Variants in NKAIN2 observed in about 807,000 individuals in gnomAD.
NKAIN2 encodes sodium/potassium-transporting ATPase subunit beta-1-interacting protein 2.
NKAIN2 carries 14 observed loss-of-function variants against 32.6 expected under a neutral mutation model. The ratio of observed to expected loss-of-function variants is 0.43; its 90% confidence interval spans 0.28 to 0.67. The LOEUF (loss-of-function observed/expected upper bound fraction) is 0.67. NKAIN2 is among the 30% of genes least tolerant of loss of function. The probability of loss-of-function intolerance (pLI) is 0.17; values close to 1 mark genes in which losing one functional copy is unlikely to be tolerated. For missense variants in NKAIN2, 198 were observed against 258.3 expected (o/e 0.77, Z 1.60); for synonymous variants, 80 against 87.2 (o/e 0.92, Z 0.46).
At chr6:124,139,079 ATTTT>A (rs900247440) in intron 1 of NKAIN2, among the ~76,000 whole-genome samples, 4 of 99,470 alleles carry the variant, frequency 4.0e-5, no homozygotes, top group East Asian at 3.3e-4. Flanking sequence ...TTAAATAAAA[ATTTT>A]TTTTTTTTTT....
chr6:124,044,756 T>G (rs1052326852), intron 1 of NKAIN2, among the ~76,000 whole-genome samples: 1 of 152,106 alleles, frequency 6.6e-6, no homozygotes, highest in Non-Finnish European at 1.5e-5. Flanking sequence ...GGCAGACTAC[T>G]AACCTTTCTT....
chr6:124,545,722 CTACTT>C (rs1460477520), intron 3 of NKAIN2, among the ~76,000 whole-genome samples: 2 of 151,772 alleles, frequency 1.3e-5, no homozygotes, highest in Non-Finnish European at 1.5e-5. Flanking sequence ...GAAATGCTAA[CTACTT>C]TACTTGATGA....
chr6:124,779,807 T>C (rs935160091), intron 4 of NKAIN2, among the ~76,000 whole-genome samples: 1 of 151,672 alleles, frequency 6.6e-6, no homozygotes, highest in Non-Finnish European at 1.5e-5. Context: ...CAGTCAACCA[T>C]AGACTCATGA....
chr6:124,084,671 G>A (rs910603833), intron 1 of NKAIN2, among the ~76,000 whole-genome samples: 1 of 151,904 alleles, frequency 6.6e-6, no homozygotes, highest in Non-Finnish European at 1.5e-5. Flanking sequence ...GGGAAAACAC[G>A]CTCCATCTAC....
intron 1 of NKAIN2, among the ~76,000 whole-genome samples, chr6:124,046,941 G>A (rs1380821174): frequency 6.6e-6 from 1 of 151,982 alleles, no homozygotes; most frequent in African/African-American, 2.4e-5. Context: ...ATTTGACTGA[G>A]GACTTGAGTT....
At chr6:124,690,918 A>G (rs1774226500) in intron 4 of NKAIN2, among the ~76,000 whole-genome samples, 1 of 152,158 alleles carries the variant, frequency 6.6e-6, no homozygotes, top group Non-Finnish European at 1.5e-5. Flanking sequence ...TTAGAATTAA[A>G]TATTTAGGAT....
Position 124,748,527 on chromosome 6 carries a change from C to T in NKAIN2, c.475-42812C>T, listed in dbSNP as rs192819679. 5.1e-4 allele frequency among the ~76,000 whole-genome samples: 77 copies of T among 152,064 alleles called. 1 individual carries two copies. Among genetic ancestry groups the T allele is most frequent in the African/African-American group, 1.6e-3 (68 of 41,546 alleles). On this transcript the variant is annotated intron_variant, in intron 4 of 6. Coordinates refer to ENST00000368417, the MANE Select transcript of NKAIN2 (RefSeq NM_001040214.3). ...TTGTCCCAAAGAGCTTCTTTGTTTC[C>T]CTGTCTTCCCACAAAGGTGATAACA...
At chr6:123,834,247 C>T (rs1056451221) in intron 1 of NKAIN2, among the ~76,000 whole-genome samples, 108 of 152,232 alleles carry the variant, frequency 7.1e-4, no homozygotes, top group South Asian at 2.1e-4. Context: ...CTCTGCCTCC[C>T]GGGTTCAAGT....
chr6:124,358,285 G>A (rs12526588), intron 3 of NKAIN2, among the ~76,000 whole-genome samples: 34,859 of 151,798 alleles, frequency 0.23, 4,083 homozygotes, highest in Admixed American at 0.3. Flanking sequence ...CTTTGGGTAT[G>A]TACCCAGTAA....
At chr6:124,602,521 C>T (rs1782347548) in intron 3 of NKAIN2, among the ~76,000 whole-genome samples, 1 of 151,466 alleles carries the variant, frequency 6.6e-6, no homozygotes, top group South Asian at 2.1e-4. Context: ...TGTCGTGCAT[C>T]AGAAATAAAT....
At chr6:123,863,130 A>G (rs1034732225) in intron 1 of NKAIN2, among the ~76,000 whole-genome samples, 1 of 152,226 alleles carries the variant, frequency 6.6e-6, no homozygotes, top group African/African-American at 2.4e-5. Flanking sequence ...CATCAGAGCC[A>G]CAGATAAGGA....
intron 1 of NKAIN2, among the ~76,000 whole-genome samples, chr6:124,122,266 T>G (rs545676697): frequency 6.6e-6 from 1 of 152,202 alleles, no homozygotes; most frequent in African/African-American, 2.4e-5. Flanking sequence ...ACGTAGTATA[T>G]ATATATTTTT....
intron 1 of NKAIN2, among the ~76,000 whole-genome samples, chr6:123,848,986 A>G (rs1775204417): frequency 6.6e-6 from 1 of 152,186 alleles, no homozygotes; most frequent in Non-Finnish European, 1.5e-5. Flanking sequence ...GGTCCTCCCT[A>G]CTTAAAACAT....
At chr6:124,238,977 TAA>T (rs1347592278) in intron 1 of NKAIN2, among the ~76,000 whole-genome samples, 5 of 151,898 alleles carry the variant, frequency 3.3e-5, no homozygotes, top group Non-Finnish European at 5.9e-5. Context: ...GCAAATTGTA[TAA>T]AGAGTCAAGA....
chr6:124,453,365 A>G (rs1776193127), intron 3 of NKAIN2, among the ~76,000 whole-genome samples: 1 of 148,576 alleles, frequency 6.7e-6, no homozygotes, highest in East Asian at 2.0e-4. Flanking sequence ...ACACACACAC[A>G]CACAGTTCTG....
At chr6:124,456,695 G>A (rs1004215702) in intron 3 of NKAIN2, among the ~76,000 whole-genome samples, 9 of 151,672 alleles carry the variant, frequency 5.9e-5, no homozygotes, top group Admixed American at 4.0e-4. Flanking sequence ...TGAGATCTTT[G>A]ACTCCGTGAA....
chr6:124,591,165 T>G (rs74558258), intron 3 of NKAIN2, among the ~76,000 whole-genome samples: 2 of 152,334 alleles, frequency 1.3e-5, no homozygotes, highest in East Asian at 3.9e-4. Context: ...CTTCATTGTT[T>G]TGAGCATTTG....
chr6:123,913,764 C>T (rs931909162), intron 1 of NKAIN2, among the ~76,000 whole-genome samples: 1 of 151,928 alleles, frequency 6.6e-6, no homozygotes, highest in Non-Finnish European at 1.5e-5. Context: ...GGAGATAATT[C>T]AGAGAACATT....
chr6:123,918,272 ATGT>A (rs1365764708), intron 1 of NKAIN2, among the ~76,000 whole-genome samples: 7 of 152,210 alleles, frequency 4.6e-5, no homozygotes, highest in Admixed American at 1.3e-4. Flanking sequence ...ACTGGAGAAC[ATGT>A]TGTTAATAAT....
Sources: allele counts gnomAD v4.1 joint callset (sites outside exome capture counted in the v4.1 genomes callset), GRCh38; gene constraint gnomAD v4.1.1; transcripts MANE v1.5; gene names NCBI Gene and HGNC (gene_info 2026-07-23, HGNC 2026-07-21).